Variants in FRYL observed in about 807,000 individuals in gnomAD.
FRYL encodes FRY like transcription coactivator.
Under a neutral mutation model 351.2 loss-of-function variants are expected in FRYL, and 150 were observed. The observed-to-expected ratio is 0.43, with a 90% CI of 0.37 to 0.49. The LOEUF (loss-of-function observed/expected upper bound fraction) is 0.49, where lower values mean the gene tolerates loss of function less well. Ranked by LOEUF, FRYL falls within the 20% of genes least tolerant of loss-of-function variation. The pLI is 0.00. For synonymous variants in FRYL, 1,153 were observed against 1,257.1 expected, an observed-to-expected ratio of 0.92 and a Z score of 1.75; for missense variants, 3,036 against 3,619.3, an observed-to-expected ratio of 0.84 and a Z score of 4.13.
chr4:48,610,713 TTATA>T (rs966793131), intron 7 of FRYL, among the ~76,000 whole-genome samples: 1 of 145,122 alleles, frequency 6.9e-6, no homozygotes, highest in Non-Finnish European at 1.5e-5. Flanking sequence ...TACATATATA[TTATA>T]TACATATATT....
intron 28 of FRYL, 99 bp from the exon 29 acceptor site, chr4:48,565,790 A>G (rs1736644647): frequency 8.2e-7 from 1 of 1,216,432 alleles, no homozygotes; most frequent in Non-Finnish European, 1.1e-6. Context: ...TAAAAAAGAA[A>G]GCAGAAGTTT....
At chr4:48,712,902 A>G (rs1164279428) in intron 1 of FRYL, among the ~76,000 whole-genome samples, 1 of 152,242 alleles carries the variant, frequency 6.6e-6, no homozygotes, top group Non-Finnish European at 1.5e-5. Flanking sequence ...TCTACAAGCC[A>G]GAAGAGAGTG....
intron 62 of FRYL, among the ~76,000 whole-genome samples, chr4:48,501,380 G>A (rs1285258888): frequency 6.6e-6 from 1 of 152,040 alleles, no homozygotes; most frequent in African/African-American, 2.4e-5. Context: ...GATTATAGAT[G>A]ATCTGTGTCT....
chr4:48,726,045 A>T (rs1770042590), intron 1 of FRYL, among the ~76,000 whole-genome samples: 1 of 152,162 alleles, frequency 6.6e-6, no homozygotes, highest in Non-Finnish European at 1.5e-5. Context: ...AAATTCTCAG[A>T]ATTTCAGAGA....
intron 21 of FRYL, 69 bp from the exon 22 acceptor site, chr4:48,581,020 A>C: frequency 1.1e-6 from 1 of 922,346 alleles, no homozygotes; most frequent in Non-Finnish European, 1.6e-6. Context: ...ACCCAAGTAA[A>C]CACTAAAAAT....
At chr4:48,586,021 C>T (rs1164154050) in intron 19 of FRYL, among the ~76,000 whole-genome samples, 1 of 152,148 alleles carries the variant, frequency 6.6e-6, no homozygotes, top group African/African-American at 2.4e-5. Flanking sequence ...ATGTGCTGAT[C>T]CCTTATCTAG....
chr4:48,708,929 G>GTTTTTTGTT (rs758528740), intron 2 of FRYL, among the ~76,000 whole-genome samples: 6 of 141,368 alleles, frequency 4.2e-5, no homozygotes, highest in Admixed American at 7.1e-5. Context: ...TTTGTTTTTT[G>GTTTTTTGTT]TTTTTTTTTT....
chr4:48,627,640 C>T (rs1752090282), intron 4 of FRYL, among the ~76,000 whole-genome samples: 1 of 151,988 alleles, frequency 6.6e-6, no homozygotes, highest in Admixed American at 6.6e-5. Flanking sequence ...TAAATAAAAA[C>T]AGAAAAACAG....
intron 3 of FRYL, among the ~76,000 whole-genome samples, chr4:48,657,962 C>A (rs1759598000): frequency 6.6e-6 from 1 of 152,180 alleles, no homozygotes; most frequent in Admixed American, 6.5e-5. Context: ...GCCCATTTAA[C>A]TGGCATTTTG....
At chr4:48,663,774 C>CAAAA (rs71191251) in intron 3 of FRYL, among the ~76,000 whole-genome samples, 28,596 of 69,010 alleles carry the variant, frequency 0.41, 6,181 homozygotes, top group South Asian at 0.48. Context: ...GACTCCGTCT[C>CAAAA]AAAAAAAAAA....
chr4:48,582,116 A>G (rs941962670), intron 20 of FRYL, among the ~76,000 whole-genome samples: 3 of 152,228 alleles, frequency 2.0e-5, no homozygotes, highest in Non-Finnish European at 4.4e-5. Flanking sequence ...TTTTATGGTT[A>G]AGGAGCACAG....
intron 49 of FRYL, among the ~76,000 whole-genome samples, chr4:48,532,056 A>G (rs190946951): frequency 6.6e-6 from 1 of 152,324 alleles, no homozygotes; most frequent in African/African-American, 2.4e-5. Flanking sequence ...AATGTTTGAT[A>G]AAGACTTTAT....
At chr4:48,729,004 G>A (rs1770411492) in intron 1 of FRYL, among the ~76,000 whole-genome samples, 1 of 152,248 alleles carries the variant, frequency 6.6e-6, no homozygotes, top group South Asian at 2.1e-4. Flanking sequence ...TGGAGGCGCA[G>A]TACACTCTTG....
In FRYL at chr4:48,528,064, T is replaced by G; in HGVS notation, c.7066-19A>C. 6.5e-7 allele frequency: 1 copy of G among 1,532,818 alleles called. No individual in the cohort carries two copies. Among genetic ancestry groups the G allele is most frequent in the Non-Finnish European group, 8.8e-7 (1 of 1,136,322 alleles). The allele number at this position is 1,532,818 out of a possible 1,614,324, so 95.0% of individuals were successfully genotyped here. A position where few individuals can be genotyped will look rare whatever the true frequency, so the allele number is the denominator to read the frequency against. On this transcript the variant is annotated intron_variant, in intron 51 of 63. Transcript: ENST00000358350. The stretch of plus-strand genomic sequence containing the variant: ...TTCTTCGCTAAAGGAAAAAAAAAAA[T>G]TAAAATGTTAGGACTGCTGATAAAA...
chr4:48,581,359 G>T, intron 21 of FRYL, 61 bp downstream of exon 21: 8 of 1,448,602 alleles, frequency 5.5e-6, no homozygotes, highest in Non-Finnish European at 7.6e-6. Flanking sequence ...GATAAGGATG[G>T]ACAAAGAGAT....
At chr4:48,594,797 T>C (rs1451054786) in intron 15 of FRYL, among the ~76,000 whole-genome samples, 1 of 152,180 alleles carries the variant, frequency 6.6e-6, no homozygotes, top group Admixed American at 6.5e-5. Flanking sequence ...CGAGATAACC[T>C]TACCTATGTT....
intron 15 of FRYL, 84 bp from the exon 16 acceptor site, chr4:48,594,100 C>G (rs1744096902): frequency 1.3e-6 from 1 of 748,094 alleles, no homozygotes; most frequent in African/African-American, 1.9e-5. Flanking sequence ...ACAATGACAA[C>G]AAGACAGGTT....
chr4:48,686,785 T>A (rs1765188510), intron 2 of FRYL, among the ~76,000 whole-genome samples: 1 of 152,270 alleles, frequency 6.6e-6, no homozygotes, highest in African/African-American at 2.4e-5. Context: ...TTGTTGTATG[T>A]GTTTATTCTT....
At chr4:48,774,496 T>C (rs1775816021) in intron 1 of FRYL, among the ~76,000 whole-genome samples, 1 of 152,178 alleles carries the variant, frequency 6.6e-6, no homozygotes, top group South Asian at 2.1e-4. Flanking sequence ...GGTAGGGGGA[T>C]CTATTTTGTC....
Sources: allele counts gnomAD v4.1 joint callset (sites outside exome capture counted in the v4.1 genomes callset), GRCh38; gene constraint gnomAD v4.1.1; transcripts MANE v1.5; gene names NCBI Gene and HGNC (gene_info 2026-07-23, HGNC 2026-07-21).